Variants in RNF138 observed in about 807,000 individuals in gnomAD.
RNF138 encodes the protein ring finger protein 138.
In RNF138, 12 loss-of-function variants were observed where a neutral mutation model predicts 31.0. The ratio of observed to expected loss-of-function variants is 0.39; its 90% CI spans 0.25 to 0.63. RNF138 has a LOEUF of 0.63. Among genes scored for constraint, RNF138 ranks in the 20% least tolerant of loss-of-function variants. The pLI is 0.52. For missense variants in RNF138, 192 were observed against 300.1 expected (o/e 0.64, Z 2.66); for synonymous variants, 105 against 99.5 (o/e 1.06, Z -0.33).
At chr18:32,120,424 G>A (rs1451304582) in intron 4 of RNF138, among the ~76,000 whole-genome samples, 1 of 152,166 alleles carries the variant, frequency 6.6e-6, no homozygotes, top group African/African-American at 2.4e-5. Flanking sequence ...AGTAAACCAA[G>A]TGTGATATAG....
intron 2 of RNF138, among the ~76,000 whole-genome samples, chr18:32,101,583 A>AT (rs2039941336): frequency 6.6e-6 from 1 of 152,126 alleles, no homozygotes; most frequent in Non-Finnish European, 1.5e-5. Flanking sequence ...TTTTTTAAGA[A>AT]TTCAAGATCA....
At chr18:32,100,512 G>A (rs535284494) in intron 2 of RNF138, among the ~76,000 whole-genome samples, 1 of 103,452 alleles carries the variant, frequency 9.7e-6, no homozygotes, top group Non-Finnish European at 1.8e-5. Flanking sequence ...TTTTGCTCTT[G>A]TTGGCCAGGC....
rs759998382 is a variant in RNF138 at position 32,113,801 on chromosome 18, A to G, written c.333A>G (p.Glu111=). 4.5e-6 allele frequency: 7 copies of G among 1,566,636 alleles called. No homozygotes were observed. Among genetic ancestry groups the G allele is most frequent in the South Asian group, 1.2e-5 (1 of 84,032 alleles). ...HYKSCKKYQD[E]YGVSSIIPNF... is the part of the protein sequence containing the mutation. ...AATCTTGTAAGAAGTATCAGGATGA[A>G]TATGGTGTTTCTTCTATCATTCCAA... The change falls in exon 4 of 8, where the codon GAA becomes GAG. Residue 111 remains glutamate, a synonymous_variant. Coordinates refer to ENST00000261593, the MANE Select transcript of RNF138 (RefSeq NM_016271.5).
rs1039030034 is a variant in RNF138, at chr18:32,130,703, A to T, written c.*1516A>T. On this transcript the variant is annotated 3_prime_UTR_variant, in exon 8 of 8. Coordinates refer to ENST00000261593, the MANE Select transcript of RNF138 (RefSeq NM_016271.5). ...TTTTTTTTAACTTGATTTAATAAAAATGTTAATTTTGGAAGTGCAGTTTTG... is the reference window on the plus strand; with the variant it reads ...TTTTTTTTAACTTGATTTAATAAAATTGTTAATTTTGGAAGTGCAGTTTTG... The T allele has an allele frequency of 6.6e-6, 1 of 152,444 alleles. No individual in the cohort carries two copies. The highest frequency in any genetic ancestry group is 2.4e-5 in the African/African-American group (1 of 41,450). 9.4% of individuals were successfully genotyped at this position (152,444 alleles called of 1,614,324 possible). A position where few individuals can be genotyped will look rare whatever the true frequency, so the allele number is the denominator to read the frequency against.
chr18:32,093,667 T>C (rs778568450), intron 2 of RNF138, among the ~76,000 whole-genome samples: 5 of 152,176 alleles, frequency 3.3e-5, no homozygotes, highest in Non-Finnish European at 7.3e-5. Context: ...GAAATTGAGA[T>C]GCTACCCAGG....
intron 2 of RNF138, among the ~76,000 whole-genome samples, chr18:32,108,791 C>T (rs1196922501): frequency 6.6e-6 from 1 of 152,190 alleles, no homozygotes; most frequent in African/African-American, 2.4e-5. Flanking sequence ...GCCTTAGTCT[C>T]TCAAGTAGCT....
chr18:32,092,557 A>T, intron 1 of RNF138, 143 bp from the exon 2 acceptor site: 1 of 539,666 alleles, frequency 1.9e-6, no homozygotes, highest in South Asian at 2.2e-5. Flanking sequence ...CTGTGGGAGG[A>T]GCCGTGGGAG....
intron 7 of RNF138, among the ~76,000 whole-genome samples, chr18:32,128,664 G>GTTTTA (rs1568243268): frequency 6.6e-6 from 1 of 152,164 alleles, no homozygotes; most frequent in Non-Finnish European, 1.5e-5. Flanking sequence ...ATTAACTTCA[G>GTTTTA]TTTTATTTTT....
chr18:32,097,819 G>C (rs779521743), intron 2 of RNF138, among the ~76,000 whole-genome samples: 3 of 151,562 alleles, frequency 2.0e-5, no homozygotes, highest in Non-Finnish European at 4.4e-5. Flanking sequence ...CACTATCCTC[G>C]GCCTAATTAA....
Position 32,131,073 on chromosome 18 carries a change from GTTTAATACATCCAATAT to G in RNF138, c.*1887_*1903del, listed in dbSNP as rs2040469210. The stretch of plus-strand genomic sequence containing the variant: ...GTTAAACCATTCTGGGATTTGCAAA[GTTTAATACATCCAATAT>G]GTCAAGTTAAACCATTCTGGGATTT... On this transcript the variant is annotated 3_prime_UTR_variant, in exon 8 of 8. Transcript: ENST00000261593. 2 of 54,090 alleles carry G rather than the reference GTTTAATACATCCAATAT, an allele frequency of 3.7e-5. No individual in the cohort carries two copies. Among genetic ancestry groups the G allele is most frequent in the Admixed American group, 2.3e-4 (1 of 4,260 alleles). The allele number at this position is 54,090 out of a possible 1,614,324, so 3.4% of individuals were successfully genotyped here.
intron 2 of RNF138, among the ~76,000 whole-genome samples, chr18:32,106,548 T>TTTTA (rs58517415): frequency 0.13 from 19,411 of 146,848 alleles, 1,348 homozygotes; most frequent in Middle Eastern, 0.16. Context: ...TTTTATTTTA[T>TTTTA]TTTATTTATT....
At chr18:32,098,994 T>A (rs957898468) in intron 2 of RNF138, among the ~76,000 whole-genome samples, 13 of 152,236 alleles carry the variant, frequency 8.5e-5, no homozygotes, top group African/African-American at 3.1e-4. Context: ...TGCCAGATTT[T>A]AAATTATTTA....
rs2040439425 is a variant in RNF138, at chr18:32,129,533, A to G, written c.*346A>G. The stretch of plus-strand genomic sequence containing the variant: ...ATGCATTCCTCCCATTTACTTTATT[A>G]TTGTACACATTTAACACACAGTAGC... On this transcript the variant is annotated 3_prime_UTR_variant, in exon 8 of 8. Coordinates refer to ENST00000261593, the MANE Select transcript of RNF138 (RefSeq NM_016271.5). 5.0e-6 allele frequency: 1 copy of G among 198,422 alleles called. No homozygotes were observed. 12.3% of individuals were successfully genotyped at this position (198,422 alleles called of 1,614,324 possible).
intron 2 of RNF138, among the ~76,000 whole-genome samples, chr18:32,098,174 G>T (rs1187583609): frequency 6.6e-6 from 1 of 152,008 alleles, no homozygotes; most frequent in Non-Finnish European, 1.5e-5. Flanking sequence ...TTTTAGTAGA[G>T]ACAGGGTTTT....
chr18:32,098,402 G>A (rs1454125229), intron 2 of RNF138, among the ~76,000 whole-genome samples: 1 of 152,152 alleles, frequency 6.6e-6, no homozygotes, highest in African/African-American at 2.4e-5. Context: ...TCCCACCTGA[G>A]CCTCCTGAGT....
chr18:32,117,022 C>T (rs1044566873), intron 4 of RNF138, among the ~76,000 whole-genome samples: 1 of 152,170 alleles, frequency 6.6e-6, no homozygotes. Flanking sequence ...CTGCCTAAGC[C>T]TCCTGAGTAG....
chr18:32,111,753 G>C lies in RNF138; in HGVS notation c.111-1G>C, dbSNP rs1226829850. On this transcript the variant is annotated splice_acceptor_variant, in intron 2 of 7. Coordinates refer to ENST00000261593, the MANE Select transcript of RNF138 (RefSeq NM_016271.5). LOFTEE classifies it high-confidence loss of function. ...TTAATGTGTCACAATGTTTGGTTTA[G>C]TTTCTGTAGAAAATGTTTCCTGACT... The C allele has an allele frequency of 6.2e-7, 1 of 1,609,822 alleles. No homozygotes were observed. Among genetic ancestry groups the C allele is most frequent in the South Asian group, 1.1e-5 (1 of 90,302 alleles).
rs1395712049 is a variant in RNF138 at position 32,111,551 on chromosome 18, CA to C, written c.111-200del. Among the ~76,000 whole-genome samples the C allele has an allele frequency of 3.9e-5, 6 of 152,112 alleles. 1 individual carries two copies. Among genetic ancestry groups the C allele is most frequent in the Non-Finnish European group, 8.8e-5 (6 of 68,032 alleles). On this transcript the variant is annotated intron_variant, in intron 2 of 7. Coordinates refer to ENST00000261593, the MANE Select transcript of RNF138 (RefSeq NM_016271.5). ...TAAAGCAGACTTGAGTGTAATTGTT[CA>C]AATATTCCCATCTAGTCCAGTTATC...
chr18:32,106,616 G>A (rs756044993), intron 2 of RNF138, among the ~76,000 whole-genome samples: 1 of 151,754 alleles, frequency 6.6e-6, no homozygotes, highest in Non-Finnish European at 1.5e-5. Context: ...ACAGGCTTGA[G>A]TGCAGTTGTG....
Sources: gnomAD v4.1 joint callset for allele counts (sites outside exome capture counted in the v4.1 genomes callset) on GRCh38, gnomAD v4.1.1 for gene constraint, MANE v1.5 for transcripts, NCBI Gene and HGNC (gene_info 2026-07-23, HGNC 2026-07-21) for gene names.